COL4A5: variants seen among roughly 807,000 people sequenced by gnomAD.
COL4A5 encodes the protein collagen type IV alpha 5 chain.
Under a neutral mutation model 130.2 loss-of-function variants are expected in COL4A5, and 26 were observed. That is an observed-to-expected ratio of 0.20 (90% CI 0.15 to 0.28). The LOEUF (loss-of-function observed/expected upper bound fraction) is 0.28, where lower values mean the gene tolerates loss of function less well. Ranked by LOEUF, COL4A5 falls within the 10% of genes least tolerant of loss-of-function variation. The pLI, the probability that COL4A5 is intolerant of heterozygous loss-of-function variation, is 1.00. For synonymous variants in COL4A5, 496 were observed against 439.6 expected (o/e 1.13, Z -1.60); for missense variants, 1,131 against 1,344.3 (o/e 0.84, Z 2.48).
chrX:108,566,122 T>A (rs2065965341), intron 4 of COL4A5, among the ~76,000 whole-genome samples: 1 of 110,429 alleles, frequency 9.1e-6, no homozygotes, highest in Non-Finnish European at 1.9e-5. Context: ...TGCTCAGACT[T>A]GCAAGATGCT....
intron 1 of COL4A5, among the ~76,000 whole-genome samples, chrX:108,483,114 A>C (rs747335386): frequency 9.0e-6 from 1 of 111,211 alleles, no homozygotes. Flanking sequence ...AAAGAACTCC[A>C]TCCTTAATAT....
intron 1 of COL4A5, among the ~76,000 whole-genome samples, chrX:108,473,631 A>ATTTTTTTTTTT (rs1406126217): frequency 8.3e-4 from 22 of 26,472 alleles, no homozygotes; most frequent in African/African-American, 2.9e-3. Context: ...ATATATATAT[A>ATTTTTTTTTTT]TATTTTTTTT....
chrX:108,507,626 G>A (rs1480201017), intron 1 of COL4A5, among the ~76,000 whole-genome samples: 1 of 111,366 alleles, frequency 9.0e-6, no homozygotes, highest in Non-Finnish European at 1.9e-5. Flanking sequence ...GGCTAACATG[G>A]TGAAACCCTG....
At chrX:108,552,243 G>C (rs2065763662) in intron 2 of COL4A5, among the ~76,000 whole-genome samples, 1 of 111,875 alleles carries the variant, frequency 8.9e-6, no homozygotes, top group African/African-American at 3.2e-5. Context: ...GAATCATAAA[G>C]TATGTAACTT....
chrX:108,605,851 T>C (rs1465104062), intron 28 of COL4A5, among the ~76,000 whole-genome samples: 1 of 112,009 alleles, frequency 8.9e-6, no homozygotes, highest in African/African-American at 3.2e-5. Flanking sequence ...CCCAATTCCA[T>C]TACAGATACA....
At position 108,601,944 on chromosome X, in the gene COL4A5, C is replaced by A; in HGVS notation, c.2101C>A (p.Pro701Thr). 3.4e-6 allele frequency: 4 copies of A among 1,166,997 alleles called. No homozygotes were observed. The highest frequency in any genetic ancestry group is 3.5e-6 in the Non-Finnish European group (3 of 868,008). ...AGGGATACCTGGTAGCAAAGGAGAA[C>A]CAGGTATCCCTGGAATTGGGCTTCC... ...LPGIPGSKGE[P>T]GIPGIGLPGP... The change falls in exon 27 of 53, where the codon CCA becomes ACA. Residue 701 changes from proline (P) to threonine (T), a missense_variant. Physicochemically the swap from Pro to Thr is conservative, Grantham distance 38 (BLOSUM62 -1). Transcript: ENST00000328300.
At chrX:108,654,576 G>T (rs2067799715) in intron 36 of COL4A5, among the ~76,000 whole-genome samples, 1 of 112,495 alleles carries the variant, frequency 8.9e-6, no homozygotes, top group South Asian at 3.6e-4. Flanking sequence ...CTCCTGAGTA[G>T]CTGGGACTAC....
rs1569489877 is a variant in COL4A5, at chrX:108,575,980, CTCT to C, written c.609+13_609+15del. The C allele has an allele frequency of 8.8e-7, 1 of 1,133,503 alleles. No homozygotes were observed. The highest frequency in any genetic ancestry group is 1.2e-6 in the Non-Finnish European group (1 of 828,239). The allele number at this position is 1,133,503 out of a possible 1,213,427, so 93.4% of individuals were successfully genotyped here. A position where few individuals can be genotyped will look rare whatever the true frequency, so the allele number is the denominator to read the frequency against. On this transcript the variant is annotated intron_variant, in intron 10 of 52. Transcript: ENST00000328300. ...GGACCACCAGGTTTGATGGTAAGCT[CTCT>C]TCTTTAATTTAATTTCCCCCCCTTT...
intron 1 of COL4A5, among the ~76,000 whole-genome samples, chrX:108,480,099 G>A (rs1013970097): frequency 9.0e-6 from 1 of 111,698 alleles, no homozygotes; most frequent in African/African-American, 3.2e-5. Flanking sequence ...GAGCCTTCTC[G>A]TGTTCCGGAC....
intron 30 of COL4A5, among the ~76,000 whole-genome samples, chrX:108,618,918 CTTATT>C (rs2066983557): frequency 9.1e-6 from 1 of 110,418 alleles, no homozygotes; most frequent in African/African-American, 3.3e-5. Flanking sequence ...GTTTATTTCC[CTTATT>C]TTATAGAACT....
At chrX:108,681,196 A>G (rs2068420637) in intron 46 of COL4A5, among the ~76,000 whole-genome samples, 1 of 111,480 alleles carries the variant, frequency 9.0e-6, no homozygotes, top group African/African-American at 3.3e-5. Context: ...TGCTTCCTTG[A>G]CATTAGCTTC....
intron 9 of COL4A5, 78 bp from the exon 10 acceptor site, chrX:108,575,832 T>A (rs1039822286): frequency 3.2e-5 from 23 of 717,640 alleles, no homozygotes; most frequent in Admixed American, 3.2e-4. Context: ...AGTGAGACTT[T>A]GTGTAAAAAA....
chrX:108,482,549 TC>T (rs2064902564), intron 1 of COL4A5, among the ~76,000 whole-genome samples: 1 of 111,125 alleles, frequency 9.0e-6, no homozygotes, highest in Non-Finnish European at 1.9e-5. Flanking sequence ...AAACTCAGTG[TC>T]CCCAGCTTTA....
At chrX:108,549,623 T>C (rs2065719275) in intron 2 of COL4A5, among the ~76,000 whole-genome samples, 1 of 111,385 alleles carries the variant, frequency 9.0e-6, no homozygotes, top group Non-Finnish European at 1.9e-5. Context: ...ATGTCTATGT[T>C]AGAAAAGAAG....
At chrX:108,498,945 A>G (rs2065056299) in intron 1 of COL4A5, among the ~76,000 whole-genome samples, 1 of 111,235 alleles carries the variant, frequency 9.0e-6, no homozygotes, top group Non-Finnish European at 1.9e-5. Context: ...CATTATCTTC[A>G]AATAAGAGAT....
chrX:108,665,596 G>GA lies in COL4A5; in HGVS notation c.3454+14dup. ...AGAACCTGGTCCTGTAGGTAAGCAT[G>GA]AAAAATAACAGTTTGCTGTTTTATA... is the stretch of plus-strand genomic sequence containing the variant. On this transcript the variant is annotated intron_variant, in intron 38 of 52. Transcript: ENST00000328300. 8.7e-7 allele frequency: 1 copy of GA among 1,149,360 alleles called. No individual in the cohort carries two copies. Among genetic ancestry groups the GA allele is most frequent in the South Asian group, 1.8e-5 (1 of 54,596 alleles). The allele number at this position is 1,149,360 out of a possible 1,213,427, so 94.7% of individuals were successfully genotyped here.
At chrX:108,488,007 T>C (rs2147540467) in intron 1 of COL4A5, among the ~76,000 whole-genome samples, 1 of 112,676 alleles carries the variant, frequency 8.9e-6, no homozygotes, top group East Asian at 2.8e-4. Context: ...TCTTTGTATT[T>C]TTTCCTCTTA....
rs202217066 is a variant in COL4A5, at chrX:108,586,982, AT to A, written c.1165+241del. Among the ~76,000 whole-genome samples the A allele has an allele frequency of 0.095, 10,482 of 110,732 alleles. 1,154 individuals carry two copies. Among genetic ancestry groups the A allele is most frequent in the African/African-American group, 0.31 (9,462 of 30,171 alleles). On this transcript the variant is annotated intron_variant, in intron 19 of 52. Coordinates refer to ENST00000328300, the MANE Select transcript of COL4A5 (RefSeq NM_033380.3). Reference sequence around the variant, plus strand: ...CCTAAGATTCCTATTTCTACATTTTATTTTTTATTGATACATAATTGTACAT... The same window carrying A: ...CCTAAGATTCCTATTTCTACATTTTATTTTTATTGATACATAATTGTACAT...
chrX:108,688,954 C>T (rs984648060), intron 49 of COL4A5, among the ~76,000 whole-genome samples: 3 of 111,710 alleles, frequency 2.7e-5, no homozygotes, highest in Non-Finnish European at 5.6e-5. Context: ...CCAGTTCTGG[C>T]CCACCAGGGT....
Sources: allele counts gnomAD v4.1 joint callset (sites outside exome capture counted in the v4.1 genomes callset), GRCh38; gene constraint gnomAD v4.1.1; transcripts MANE v1.5; gene names NCBI Gene and HGNC (gene_info 2026-07-23, HGNC 2026-07-21).